COL21A1: variants seen among roughly 807,000 people sequenced by gnomAD.
The protein encoded by COL21A1 is collagen alpha-1(XXI) chain.
Under a neutral mutation model 137.9 loss-of-function variants are expected in COL21A1, and 149 were observed. That is an observed-to-expected ratio of 1.08 (90% CI 0.95 to 1.24). The LOEUF (loss-of-function observed/expected upper bound fraction) is 1.24, where lower values mean the gene tolerates loss of function less well. Ranked by LOEUF, COL21A1 falls within the 50% of genes most tolerant of loss-of-function variation. The pLI is 0.00. For missense variants in COL21A1, 1,167 were observed against 1,158.4 expected (o/e 1.01, Z -0.11); for synonymous variants, 456 against 391.5 (o/e 1.16, Z -1.95).
In COL21A1 at chr6:56,164,818, C is replaced by G; in HGVS notation, c.1283G>C (p.Gly428Ala). 1 of 1,564,054 alleles carries G rather than the reference C, an allele frequency of 6.4e-7. No homozygotes were observed. Among genetic ancestry groups the G allele is most frequent in the Non-Finnish European group, 8.7e-7 (1 of 1,152,142 alleles). The part of the protein sequence containing the change: ...ETACEIPGFN[G>A]ECLNGPSDVG... Reference sequence around the variant, plus strand: ...AACAATAGTATCCAAGCCTACCTCTCCATTCTGAAAGAAAAACAACAAATG... The same window carrying G: ...AACAATAGTATCCAAGCCTACCTCTGCATTCTGAAAGAAAAACAACAAATG... The change falls in exon 8 of 30, where the codon GGA (glycine) becomes GCA (alanine). Residue 428 changes from glycine (G) to alanine (A), a missense_variant. Physicochemically the swap from Gly to Ala is moderately conservative, Grantham distance 60 (BLOSUM62 0). Transcript: ENST00000244728.
intron 1 of COL21A1, among the ~76,000 whole-genome samples, chr6:56,343,923 G>T (rs1018192018): frequency 1.3e-5 from 2 of 152,164 alleles, no homozygotes; most frequent in Non-Finnish European, 1.5e-5. Context: ...TCCAGCCTGG[G>T]TGACAAAGAA....
intron 1 of COL21A1, among the ~76,000 whole-genome samples, chr6:56,304,938 G>T (rs1398261957): frequency 2.6e-5 from 4 of 152,132 alleles, no homozygotes; most frequent in African/African-American, 9.7e-5. Flanking sequence ...TTGTGTCTTT[G>T]TTCTCTTTGG....
chr6:56,310,047 A>G (rs1205987749), intron 1 of COL21A1, among the ~76,000 whole-genome samples: 1 of 152,230 alleles, frequency 6.6e-6, no homozygotes, highest in Non-Finnish European at 1.5e-5. Flanking sequence ...TTAAAAGTCC[A>G]AGATTGATAA....
chr6:56,361,051 G>A (rs151258026), intron 1 of COL21A1, among the ~76,000 whole-genome samples: 6 of 152,254 alleles, frequency 3.9e-5, no homozygotes, highest in African/African-American at 4.8e-5. Context: ...CCAAGATTGC[G>A]CCACTGCACT....
chr6:56,187,744 G>C (rs1259331202), intron 1 of COL21A1, among the ~76,000 whole-genome samples: 3 of 152,044 alleles, frequency 2.0e-5, no homozygotes, highest in Non-Finnish European at 4.4e-5. Flanking sequence ...AAACATAAGA[G>C]AGTATCTTCA....
chr6:56,147,959 G>A (rs1295626729), intron 10 of COL21A1, among the ~76,000 whole-genome samples: 4 of 147,128 alleles, frequency 2.7e-5, no homozygotes, highest in South Asian at 4.3e-4. Flanking sequence ...TGGATTATAC[G>A]CAAATTCAGT....
At chr6:56,178,652 T>C (rs1351865645) in intron 3 of COL21A1, among the ~76,000 whole-genome samples, 1 of 151,960 alleles carries the variant, frequency 6.6e-6, no homozygotes, top group Non-Finnish European at 1.5e-5. Context: ...AAATAAGAGA[T>C]ACAAAAAATT....
chr6:56,285,252 A>G (rs748467732), intron 1 of COL21A1, among the ~76,000 whole-genome samples: 10 of 152,190 alleles, frequency 6.6e-5, no homozygotes, highest in Non-Finnish European at 1.2e-4. Context: ...CTCAGTGACA[A>G]TGTGTTACAT....
In COL21A1 at chr6:56,082,898, T is replaced by C. The variant is rs545565152; in HGVS notation, c.1813-5325A>G. On this transcript the variant is annotated intron_variant, in intron 17 of 29. Coordinates refer to ENST00000244728, the MANE Select transcript of COL21A1 (RefSeq NM_030820.4). The stretch of plus-strand genomic sequence containing the variant: ...TTTGAAATGTGTATGCTATTCCATC[T>C]AAATCTCTATACTAGTTATTGCATA... 1.2e-4 allele frequency among the ~76,000 whole-genome samples: 19 copies of C among 152,066 alleles called. No individual in the cohort carries two copies. In the East Asian group the frequency reaches 3.5e-3, roughly 28 times the overall value.
intron 1 of COL21A1, among the ~76,000 whole-genome samples, chr6:56,229,390 T>C (rs1056070126): frequency 2.6e-5 from 4 of 151,922 alleles, no homozygotes; most frequent in Admixed American, 1.3e-4. Context: ...ATATGCATTA[T>C]TTTAAAATCA....
intron 1 of COL21A1, among the ~76,000 whole-genome samples, chr6:56,319,359 A>G (rs1279871917): frequency 2.0e-5 from 3 of 152,108 alleles, no homozygotes; most frequent in Non-Finnish European, 4.4e-5. Flanking sequence ...TTTGTTTGTG[A>G]CGGAGTCTCA....
In COL21A1 at chr6:56,124,052, T is replaced by A. The variant is rs561050862; in HGVS notation, c.1758+10A>T. 96 of 1,486,882 alleles carry A rather than the reference T, an allele frequency of 6.5e-5. No individual in the cohort carries two copies. The highest frequency in any genetic ancestry group is 4.4e-4 in the Middle Eastern group (2 of 4,590). The allele number at this position is 1,486,882 out of a possible 1,614,324, so 92.1% of individuals were successfully genotyped here. On this transcript the variant is annotated intron_variant, in intron 16 of 29. Coordinates refer to ENST00000244728, the MANE Select transcript of COL21A1 (RefSeq NM_030820.4). ...TTTTGTTTTGTCCTTTTTTTTTTTT[T>A]TATAAATACCTTGAAACCGGGACTA...
At position 56,180,120 on chromosome 6, in the gene COL21A1, G is replaced by A. The variant is rs769782334; in HGVS notation, c.98C>T (p.Thr33Ile). ...EDGEVRSSCR[T>I]APTDLVFILD... ...GATGAAAACTAAATCTGTCGGAGCA[G>A]TACGACAACCTAAGTGCAAAAGAAA... is the stretch of plus-strand genomic sequence containing the variant. Residue 33 changes from threonine to isoleucine, a missense_variant, in exon 3 of 30, where the codon ACT becomes ATT. Transcript: ENST00000244728. The A allele has an allele frequency of 1.2e-6, 2 of 1,606,250 alleles. No homozygotes were observed. Among genetic ancestry groups the A allele is most frequent in the South Asian group, 1.1e-5 (1 of 89,712 alleles).
In COL21A1 at chr6:56,057,778, T is replaced by G. The variant is rs1765457177; in HGVS notation, c.2753A>C (p.Asp918Ala). 3.7e-6 allele frequency: 6 copies of G among 1,608,182 alleles called. No individual in the cohort carries two copies. The highest frequency in any genetic ancestry group is 1.3e-5 in the African/African-American group (1 of 74,738). ...GATTCCAGGTTTTCCATGGTCTCCA[T>G]CTTTGCCAGGGAGACCTGGGTCTCC... is the stretch of plus-strand genomic sequence containing the variant. ...PPGDPGLPGK[D>A]GDHGKPGIQG... Residue 918 changes from aspartate (D) to alanine (A), a missense_variant, in exon 30 of 30, where the codon GAT becomes GCT. By Grantham distance (126) the Asp-to-Ala change is moderately radical. Coordinates refer to ENST00000244728, the MANE Select transcript of COL21A1 (RefSeq NM_030820.4).
intron 12 of COL21A1, among the ~76,000 whole-genome samples, chr6:56,137,363 C>T (rs762348933): frequency 4.6e-5 from 7 of 152,126 alleles, no homozygotes; most frequent in African/African-American, 7.2e-5. Context: ...AAGTTTTGTA[C>T]AGATCCGTGG....
intron 1 of COL21A1, chr6:56,276,833 G>A: frequency 1.3e-6 from 1 of 740,884 alleles, no homozygotes; most frequent in African/African-American, 1.8e-5. Flanking sequence ...TTTTGAGACA[G>A]AGTCTCGCTC....
intron 19 of COL21A1, among the ~76,000 whole-genome samples, chr6:56,075,133 G>A (rs1767102924): frequency 6.6e-6 from 1 of 151,236 alleles, no homozygotes; most frequent in African/African-American, 2.4e-5. Context: ...AGTGTAATAT[G>A]TTTGTAAATT....
At chr6:56,062,944 T>G (rs1304831435) in intron 24 of COL21A1, among the ~76,000 whole-genome samples, 1 of 152,160 alleles carries the variant, frequency 6.6e-6, no homozygotes, top group East Asian at 1.9e-4. Flanking sequence ...AAATATTCAC[T>G]TTGACTCCAT....
intron 1 of COL21A1, among the ~76,000 whole-genome samples, chr6:56,203,262 A>G (rs1779524596): frequency 6.6e-6 from 1 of 152,200 alleles, no homozygotes; most frequent in Admixed American, 6.5e-5. Flanking sequence ...CCAGTCCTGG[A>G]TGTGCCTGGT....
Sources: gnomAD v4.1 joint callset for allele counts (sites outside exome capture counted in the v4.1 genomes callset) on GRCh38, gnomAD v4.1.1 for gene constraint, MANE v1.5 for transcripts, NCBI Gene and HGNC (gene_info 2026-07-23, HGNC 2026-07-21) for gene names.